The following TESK2 variants were observed in gnomAD, a reference collection of about 807,000 sequenced individuals.
The protein encoded by TESK2 is testis associated actin remodelling kinase 2.
A neutral mutation model predicts 57.1 loss-of-function variants in TESK2; 39 were observed. The ratio of observed to expected loss-of-function variants is 0.68; its 90% confidence interval spans 0.53 to 0.89. The LOEUF (loss-of-function observed/expected upper bound fraction) is 0.89. Ranked by LOEUF, TESK2 falls within the 40% of genes least tolerant of loss-of-function variation. The probability of loss-of-function intolerance (pLI) is 0.00; values close to 1 mark genes in which losing one functional copy is unlikely to be tolerated. For missense variants in TESK2, 646 were observed against 732.1 expected, an observed-to-expected ratio of 0.88 and a Z score of 1.36; for synonymous variants, 249 against 267.9, an observed-to-expected ratio of 0.93 and a Z score of 0.69.
chr1:45,462,721 G>A (rs746490051), intron 1 of TESK2, among the ~76,000 whole-genome samples: 1 of 152,090 alleles, frequency 6.6e-6, no homozygotes, highest in African/African-American at 2.4e-5. Flanking sequence ...ACGTCTCTTC[G>A]CTATACTGAT....
At chr1:45,381,377 A>G (rs1648647464) in intron 4 of TESK2, among the ~76,000 whole-genome samples, 2 of 152,220 alleles carry the variant, frequency 1.3e-5, no homozygotes, top group African/African-American at 4.8e-5. Flanking sequence ...GGACTCAAGC[A>G]TGTGACTTGC....
chr1:45,346,678 G>A lies in TESK2; in HGVS notation c.879+15C>T. 6.2e-7 allele frequency: 1 copy of A among 1,608,828 alleles called. No individual in the cohort carries two copies. Among genetic ancestry groups the A allele is most frequent in the Non-Finnish European group, 8.5e-7 (1 of 1,176,616 alleles). ...GCCAGCCCCTGATGAAAGGCAGAGG[G>A]AGAAAGACACTCACGTTACAGCAGT... is the stretch of plus-strand genomic sequence containing the variant. On this transcript the variant is annotated intron_variant, in intron 9 of 10. Coordinates refer to ENST00000372086, the MANE Select transcript of TESK2 (RefSeq NM_007170.3).
intron 10 of TESK2, 102 bp downstream of exon 10, chr1:45,345,775 C>T (rs962118369): frequency 5.7e-6 from 6 of 1,051,784 alleles, no homozygotes; most frequent in Non-Finnish European, 8.6e-6. Flanking sequence ...CCATTTGTTT[C>T]TGGACCTGGG....
chr1:45,352,183 G>A (rs931620249), intron 5 of TESK2, among the ~76,000 whole-genome samples: 1 of 152,150 alleles, frequency 6.6e-6, no homozygotes, highest in African/African-American at 2.4e-5. Flanking sequence ...ATCCCCTATA[G>A]TGTACTTCCC....
intron 9 of TESK2, among the ~76,000 whole-genome samples, chr1:45,346,239 T>A (rs547627890): frequency 6.6e-6 from 1 of 152,362 alleles, no homozygotes; most frequent in South Asian, 2.1e-4. Flanking sequence ...TATGCTCATA[T>A]TAGTTTATTC....
intron 4 of TESK2, among the ~76,000 whole-genome samples, chr1:45,372,079 T>C (rs1043020240): frequency 5.9e-5 from 9 of 151,824 alleles, no homozygotes; most frequent in Admixed American, 6.6e-5. Context: ...CGAGACCTCA[T>C]ATTTACAAAA....
intron 4 of TESK2, among the ~76,000 whole-genome samples, chr1:45,359,436 T>C (rs1647581986): frequency 6.6e-6 from 1 of 151,864 alleles, no homozygotes; most frequent in Non-Finnish European, 1.5e-5. Flanking sequence ...GGTGGGTGCC[T>C]GTAATCCCAG....
chr1:45,349,894 C>A lies in TESK2; in HGVS notation c.541-1894G>T, dbSNP rs1439876063. Among the ~76,000 whole-genome samples, 4 of 152,222 alleles carry A rather than the reference C, an allele frequency of 2.6e-5. No individual in the cohort carries two copies. In the East Asian group the frequency reaches 7.7e-4, roughly 29 times the overall value. On this transcript the variant is annotated intron_variant, in intron 5 of 10. Transcript: ENST00000372086. ...TGATGGCTCATGCCTGTAATTCCAG[C>A]ACTTTGGAAGGCCAAGGCACGTGGA...
rs1430589927 is a variant in TESK2 at position 45,344,814 on chromosome 1, C to CA, written c.*25dup. 1 of 1,585,994 alleles carries CA rather than the reference C, an allele frequency of 6.3e-7. No homozygotes were observed. Among genetic ancestry groups the CA allele is most frequent in the African/African-American group, 1.3e-5 (1 of 74,248 alleles). ...ATGGTTTCAGCTGAAGGTCCATCCC[C>CA]AAGGTGAGGCAGGGACTAAACCCCC... On this transcript the variant is annotated 3_prime_UTR_variant, in exon 11 of 11. Transcript: ENST00000372086.
intron 1 of TESK2, among the ~76,000 whole-genome samples, chr1:45,469,971 C>T (rs1212068664): frequency 6.6e-6 from 1 of 152,112 alleles, no homozygotes; most frequent in Non-Finnish European, 1.5e-5. Context: ...TGTCAGCCAG[C>T]AATCAAAAAT....
chr1:45,452,893 C>T (rs1416192366), intron 2 of TESK2, among the ~76,000 whole-genome samples: 2 of 152,010 alleles, frequency 1.3e-5, no homozygotes, highest in African/African-American at 4.8e-5. Flanking sequence ...CTGTACAAAA[C>T]ACTTTAAAAT....
intron 3 of TESK2, among the ~76,000 whole-genome samples, chr1:45,390,838 C>A (rs1163596892): frequency 1.3e-5 from 2 of 151,164 alleles, no homozygotes; most frequent in Non-Finnish European, 2.9e-5. Flanking sequence ...GAACTCCTGG[C>A]CTCAAGAAAT....
chr1:45,476,041 C>T (rs1445468407), intron 1 of TESK2, among the ~76,000 whole-genome samples: 5 of 152,182 alleles, frequency 3.3e-5, no homozygotes, highest in African/African-American at 4.8e-5. Context: ...AACTTGCAGA[C>T]GGCCTATCGT....
chr1:45,454,658 T>G (rs1284800733), intron 2 of TESK2, among the ~76,000 whole-genome samples: 1 of 152,102 alleles, frequency 6.6e-6, no homozygotes, highest in Admixed American at 6.6e-5. Flanking sequence ...CAATTCTATT[T>G]ACAGCTAAAT....
At chr1:45,367,902 A>G (rs1570655928) in intron 4 of TESK2, among the ~76,000 whole-genome samples, 1 of 149,084 alleles carries the variant, frequency 6.7e-6, no homozygotes, top group Non-Finnish European at 1.5e-5. Context: ...CAGGTGATCT[A>G]CCCACCTCAG....
At chr1:45,385,696 A>G (rs893665501) in intron 4 of TESK2, among the ~76,000 whole-genome samples, 70 of 141,852 alleles carry the variant, frequency 4.9e-4, no homozygotes, top group African/African-American at 1.8e-3. Context: ...CTTAAAGTGT[A>G]TGTGTGTGTG....
At chr1:45,353,971 G>T (rs1160380516) in intron 5 of TESK2, among the ~76,000 whole-genome samples, 8 of 152,072 alleles carry the variant, frequency 5.3e-5, no homozygotes, top group Non-Finnish European at 1.0e-4. Flanking sequence ...GCAGAAAATG[G>T]GTCAGTACAT....
At chr1:45,356,757 G>A (rs543308739) in intron 4 of TESK2, among the ~76,000 whole-genome samples, 13 of 152,164 alleles carry the variant, frequency 8.5e-5, no homozygotes, top group African/African-American at 2.9e-4. Flanking sequence ...CTAAGTGAAA[G>A]ACAATATTTA....
chr1:45,426,817 C>T (rs927632818), intron 2 of TESK2, among the ~76,000 whole-genome samples: 1 of 152,102 alleles, frequency 6.6e-6, no homozygotes, highest in East Asian at 1.9e-4. Context: ...CAAAAGAAGA[C>T]ATACGAACAG....
Sources: gnomAD v4.1 joint callset for allele counts (sites outside exome capture counted in the v4.1 genomes callset) on GRCh38, gnomAD v4.1.1 for gene constraint, MANE v1.5 for transcripts, NCBI Gene and HGNC (gene_info 2026-07-23, HGNC 2026-07-21) for gene names.